Variants in TNNI3K observed in about 807,000 individuals in gnomAD.
TNNI3K encodes serine/threonine-protein kinase TNNI3K.
A neutral mutation model predicts 114.5 loss-of-function variants in TNNI3K; 140 were observed. The ratio of observed to expected loss-of-function variants is 1.22; its 90% confidence interval spans 1.07 to 1.41. TNNI3K has a LOEUF of 1.41. Ranked by LOEUF, TNNI3K falls within the 40% of genes most tolerant of loss-of-function variation. TNNI3K has a pLI of 0.00. For synonymous variants in TNNI3K, 347 were observed against 347.5 expected (o/e 1.00, Z 0.02); for missense variants, 1,125 against 1,007.6 (o/e 1.12, Z -1.58).
At chr1:74,361,906 A>G (rs1324590964) in intron 11 of TNNI3K, among the ~76,000 whole-genome samples, 1 of 152,168 alleles carries the variant, frequency 6.6e-6, no homozygotes. Flanking sequence ...TCTTGGCAAA[A>G]GCATTCATGC....
At chr1:74,324,262 T>C (rs1044497875) in intron 5 of TNNI3K, among the ~76,000 whole-genome samples, 1 of 152,210 alleles carries the variant, frequency 6.6e-6, no homozygotes, top group East Asian at 1.9e-4. Flanking sequence ...AGTATTTTCC[T>C]ACAAGGAGGG....
chr1:74,258,120 C>T (rs1439493036), intron 4 of TNNI3K, among the ~76,000 whole-genome samples: 1 of 152,150 alleles, frequency 6.6e-6, no homozygotes, highest in East Asian at 1.9e-4. Flanking sequence ...AAAATCCCCC[C>T]GTACTACATG....
chr1:74,347,124 A>G (rs1661046778), intron 9 of TNNI3K, among the ~76,000 whole-genome samples: 1 of 147,428 alleles, frequency 6.8e-6, no homozygotes, highest in South Asian at 2.3e-4. Flanking sequence ...ATCATTACGT[A>G]TATCTCCTAA....
chr1:74,279,364 C>A (rs1656867953), intron 5 of TNNI3K, among the ~76,000 whole-genome samples: 1 of 152,164 alleles, frequency 6.6e-6, no homozygotes, highest in Non-Finnish European at 1.5e-5. Context: ...GTAATCAGTT[C>A]ATAGGCTAAA....
At chr1:74,505,091 A>G (rs1669826001) in intron 23 of TNNI3K, among the ~76,000 whole-genome samples, 1 of 152,164 alleles carries the variant, frequency 6.6e-6, no homozygotes. Flanking sequence ...AACCCTCTCC[A>G]TTCATACACA....
chr1:74,525,635 G>T (rs1214832384), intron 23 of TNNI3K, among the ~76,000 whole-genome samples: 1 of 152,226 alleles, frequency 6.6e-6, no homozygotes, highest in African/African-American at 2.4e-5. Flanking sequence ...CTCCTAGTCT[G>T]AAGGAGTGTG....
At chr1:74,271,452 T>G in intron 4 of TNNI3K, 146 bp from the exon 5 acceptor site, 1 of 642,676 alleles carries the variant, frequency 1.6e-6, no homozygotes, top group Admixed American at 2.8e-5. Context: ...CTCTGGTATC[T>G]AATGTGCTCT....
intron 22 of TNNI3K, among the ~76,000 whole-genome samples, chr1:74,491,016 T>A (rs1669043400): frequency 6.6e-6 from 1 of 152,132 alleles, no homozygotes; most frequent in South Asian, 2.1e-4. Context: ...AAAGATATGA[T>A]TAGTCTTGTT....
chr1:74,422,745 T>G (rs1304703660), intron 17 of TNNI3K, among the ~76,000 whole-genome samples: 3 of 151,942 alleles, frequency 2.0e-5, no homozygotes, highest in Non-Finnish European at 4.4e-5. Context: ...ATAGAACAGC[T>G]ATACATAAAT....
At chr1:74,344,350 G>T (rs911854027) in intron 9 of TNNI3K, among the ~76,000 whole-genome samples, 3 of 152,138 alleles carry the variant, frequency 2.0e-5, no homozygotes, top group Non-Finnish European at 4.4e-5. Context: ...GAAAACTGAG[G>T]CTCAGAAAAG....
intron 17 of TNNI3K, among the ~76,000 whole-genome samples, chr1:74,395,744 G>A (rs1208603212): frequency 6.6e-6 from 1 of 152,104 alleles, no homozygotes; most frequent in Non-Finnish European, 1.5e-5. Context: ...GAGTACACAG[G>A]GAAAAGCTCA....
chr1:74,347,579 G>A (rs918997229), intron 9 of TNNI3K, among the ~76,000 whole-genome samples: 4 of 152,156 alleles, frequency 2.6e-5, no homozygotes, highest in Non-Finnish European at 4.4e-5. Context: ...TTACCACGCC[G>A]ACTTCCACAA....
At chr1:74,359,874 AT>A (rs568319698) in intron 11 of TNNI3K, among the ~76,000 whole-genome samples, 2 of 150,404 alleles carry the variant, frequency 1.3e-5, no homozygotes, top group African/African-American at 2.4e-5. Flanking sequence ...TGAACTTAAC[AT>A]TTTTTTTTGT....
At chr1:74,299,769 A>G (rs1658205256) in intron 5 of TNNI3K, among the ~76,000 whole-genome samples, 1 of 152,110 alleles carries the variant, frequency 6.6e-6, no homozygotes, top group Non-Finnish European at 1.5e-5. Context: ...TGGACCTTGA[A>G]GTTTAACATA....
Position 74,354,096 on chromosome 1 carries a change from G to A in TNNI3K, c.1144G>A (p.Glu382Lys), listed in dbSNP as rs1485687249. ...DPSRSSGEKDEQTCLMWAYEK... is the reference protein window; with the variant it reads ...DPSRSSGEKDKQTCLMWAYEK... ...CAGCAGGTCTAGTGGTGAAAAAGAT[G>A]AGCAGACATGTTTGATGTGGGCTTA... The change falls in exon 11 of 25, where the codon GAG becomes AAG. Residue 382 changes from glutamate to lysine, a missense_variant. By Grantham distance (56) the Glu-to-Lys change is moderately conservative. Transcript: ENST00000326637. 5 of 1,614,066 alleles carry A rather than the reference G, an allele frequency of 3.1e-6. No homozygotes were observed. Among genetic ancestry groups the A allele is most frequent in the South Asian group, 1.1e-5 (1 of 91,070 alleles).
intron 17 of TNNI3K, chr1:74,378,541 T>C (rs1327620377): frequency 1.4e-5 from 2 of 140,118 alleles, no homozygotes; most frequent in African/African-American, 5.3e-5. Flanking sequence ...TGACATGTTG[T>C]ATGGGCCAGG....
chr1:74,420,654 A>G (rs997454882), intron 17 of TNNI3K, among the ~76,000 whole-genome samples: 4 of 152,120 alleles, frequency 2.6e-5, no homozygotes, highest in East Asian at 3.9e-4. Context: ...TCAAACTGCA[A>G]TGCTTCCACT....
intron 7 of TNNI3K, among the ~76,000 whole-genome samples, chr1:74,336,457 G>A (rs955161722): frequency 2.6e-5 from 4 of 151,450 alleles, no homozygotes; most frequent in Non-Finnish European, 1.5e-5. Flanking sequence ...CCACTAACTC[G>A]TCATCTAGCA....
chr1:74,392,078 G>T (rs1570563970), intron 17 of TNNI3K, among the ~76,000 whole-genome samples: 1 of 147,746 alleles, frequency 6.8e-6, no homozygotes, highest in African/African-American at 2.5e-5. Flanking sequence ...CCATTCTCCT[G>T]CCTCAGCCTC....
Sources: allele counts gnomAD v4.1 joint callset (sites outside exome capture counted in the v4.1 genomes callset), GRCh38; gene constraint gnomAD v4.1.1; transcripts MANE v1.5; gene names NCBI Gene and HGNC (gene_info 2026-07-23, HGNC 2026-07-21).